The following SLC9B1 variants were observed in gnomAD, a reference collection of about 807,000 sequenced individuals.
SLC9B1 encodes sodium/hydrogen exchanger 9B1.
Under a neutral mutation model 51.7 loss-of-function variants are expected in SLC9B1, and 32 were observed. The observed-to-expected ratio is 0.62, with a 90% CI of 0.47 to 0.83. SLC9B1 has a LOEUF of 0.83. Among genes scored for constraint, SLC9B1 ranks in the 40% least tolerant of loss-of-function variants. The pLI, the probability that SLC9B1 is intolerant of heterozygous loss-of-function variation, is 0.00. For missense variants in SLC9B1, 406 were observed against 613.2 expected, an observed-to-expected ratio of 0.66 and a Z score of 3.57; for synonymous variants, 145 against 212.7, an observed-to-expected ratio of 0.68 and a Z score of 2.77.
rs1737278264 is a variant in SLC9B1 at position 102,946,543 on chromosome 4, C to T, written c.525+104G>A. ...TTTTTCTTTATCTTAGGTTTGTTTACAGACTCTATTTGGAACAGGAAAATA... is the reference window on the plus strand; with the variant it reads ...TTTTTCTTTATCTTAGGTTTGTTTATAGACTCTATTTGGAACAGGAAAATA... On this transcript the variant is annotated intron_variant, in intron 5 of 11. Transcript: ENST00000296422. The T allele has an allele frequency of 4.7e-6, 6 of 1,273,312 alleles. No homozygotes were observed. The South Asian group carries it at 5.5e-5, about 12-fold the overall frequency. The allele number at this position is 1,273,312 out of a possible 1,614,324, so 78.9% of individuals were successfully genotyped here.
chr4:102,948,229 G>A (rs1737363827), intron 4 of SLC9B1, among the ~76,000 whole-genome samples: 1 of 151,394 alleles, frequency 6.6e-6, no homozygotes, highest in African/African-American at 2.4e-5. Flanking sequence ...GGTCAAAGGT[G>A]ACTGAAACTT....
chr4:102,994,864 C>T (rs748843266), intron 1 of SLC9B1, among the ~76,000 whole-genome samples: 30 of 152,146 alleles, frequency 2.0e-4, no homozygotes, highest in Non-Finnish European at 3.8e-4. Context: ...ATGGGGAAAC[C>T]ACCCCCATGA....
In SLC9B1 at chr4:102,901,009, T is replaced by C. The variant is rs1734758135; in HGVS notation, c.*108A>G. ...CCCTGTACTGAAATCACATGTTTACTAAATCCTGGATTCTCTGTACAGTCC... is the reference window on the plus strand; with the variant it reads ...CCCTGTACTGAAATCACATGTTTACCAAATCCTGGATTCTCTGTACAGTCC... On this transcript the variant is annotated 3_prime_UTR_variant, in exon 12 of 12. Coordinates refer to ENST00000296422, the MANE Select transcript of SLC9B1 (RefSeq NM_139173.4). 3.6e-5 allele frequency: 56 copies of C among 1,535,826 alleles called. No homozygotes were observed. In the South Asian group the frequency reaches 6.4e-4, roughly 17 times the overall value.
intron 6 of SLC9B1, among the ~76,000 whole-genome samples, chr4:102,937,062 T>C (rs1736757040): frequency 6.6e-6 from 1 of 152,112 alleles, no homozygotes; most frequent in Non-Finnish European, 1.5e-5. Context: ...AACTGTAAGA[T>C]ACTCTACAAT....
rs569004930 is a variant in SLC9B1, at chr4:102,905,233, A to ATTTATTTATTTATTTAT, written c.1332+280_1332+281insATAAATAAATAAATAAA. 3.3e-5 allele frequency among the ~76,000 whole-genome samples: 5 copies of ATTTATTTATTTATTTAT among 149,468 alleles called. No homozygotes were observed. In the South Asian group the frequency reaches 6.3e-4, roughly 19 times the overall value. ...TGTTTATTTATTTATTTATTTATTT[A>ATTTATTTATTTATTTAT]TTTTTTTGAGATGGAGTCACTCTGT... is the stretch of plus-strand genomic sequence containing the variant. On this transcript the variant is annotated intron_variant, in intron 11 of 11. Transcript: ENST00000296422.
At chr4:102,974,065 C>T (rs1219366230) in intron 3 of SLC9B1, among the ~76,000 whole-genome samples, 6 of 151,262 alleles carry the variant, frequency 4.0e-5, no homozygotes, top group Non-Finnish European at 8.8e-5. Context: ...GTGAAACCCC[C>T]ATCTCTACTG....
chr4:102,993,258 A>C (rs1375417610), intron 1 of SLC9B1, among the ~76,000 whole-genome samples: 1 of 152,214 alleles, frequency 6.6e-6, no homozygotes, highest in East Asian at 1.9e-4. Context: ...ATCGAAAGGA[A>C]GTTGGTTACT....
At chr4:102,939,970 T>C (rs746403388) in intron 6 of SLC9B1, among the ~76,000 whole-genome samples, 3 of 152,180 alleles carry the variant, frequency 2.0e-5, no homozygotes, top group African/African-American at 7.2e-5. Context: ...CTCTCACTAC[T>C]CCTATTCAAC....
chr4:102,895,016 C>T (rs1350067672), intron 11 of SLC9B1, among the ~76,000 whole-genome samples: 2 of 151,966 alleles, frequency 1.3e-5, no homozygotes, highest in Non-Finnish European at 2.9e-5. Context: ...ATCACAAAAG[C>T]ATTTTAAAAT....
chr4:102,890,854 G>GT (rs1734211399), intron 11 of SLC9B1: 1 of 71,216 alleles, frequency 1.4e-5, no homozygotes, highest in Non-Finnish European at 2.7e-5. Flanking sequence ...AAAAAAAAAA[G>GT]TCTTTTTTTT....
chr4:102,959,943 A>G (rs1347367967), intron 3 of SLC9B1, among the ~76,000 whole-genome samples: 1 of 152,196 alleles, frequency 6.6e-6, no homozygotes, highest in Non-Finnish European at 1.5e-5. Context: ...ACATGACACA[A>G]GTTTACCTAT....
intron 7 of SLC9B1, among the ~76,000 whole-genome samples, chr4:102,925,423 G>A (rs1216944612): frequency 6.6e-6 from 1 of 151,898 alleles, no homozygotes; most frequent in Non-Finnish European, 1.5e-5. Context: ...GGGAGGGAGG[G>A]GATAGCATTA....
intron 3 of SLC9B1, among the ~76,000 whole-genome samples, chr4:102,974,424 T>C (rs1184191881): frequency 5.3e-5 from 8 of 151,710 alleles, no homozygotes; most frequent in African/African-American, 9.7e-5. Context: ...TCTGGTAAGA[T>C]TGATTAATTA....
chr4:102,968,615 C>T (rs1455132578), intron 3 of SLC9B1, among the ~76,000 whole-genome samples: 5 of 152,312 alleles, frequency 3.3e-5, no homozygotes, highest in South Asian at 2.1e-4. Flanking sequence ...GCACAACTGA[C>T]GTAGAAGACA....
At chr4:102,923,902 A>T (rs969311298) in intron 7 of SLC9B1, among the ~76,000 whole-genome samples, 1 of 152,216 alleles carries the variant, frequency 6.6e-6, no homozygotes, top group African/African-American at 2.4e-5. Flanking sequence ...CAACGAAATA[A>T]AAGAGGACAC....
intron 3 of SLC9B1, among the ~76,000 whole-genome samples, chr4:102,966,844 T>G (rs1424615152): frequency 6.6e-6 from 1 of 152,220 alleles, no homozygotes; most frequent in East Asian, 1.9e-4. Flanking sequence ...CTATTAATTT[T>G]CAAATTTTTA....
At chr4:102,954,556 T>C (rs1193903837) in intron 3 of SLC9B1, among the ~76,000 whole-genome samples, 1 of 151,952 alleles carries the variant, frequency 6.6e-6, no homozygotes, top group Non-Finnish European at 1.5e-5. Context: ...CAATAGAAGA[T>C]GGAAGATAAA....
At chr4:102,987,257 G>A (rs1739674157) in intron 3 of SLC9B1, among the ~76,000 whole-genome samples, 1 of 152,042 alleles carries the variant, frequency 6.6e-6, no homozygotes, top group Admixed American at 6.6e-5. Flanking sequence ...GGCCAGAGTT[G>A]GATATTTTCC....
chr4:102,994,591 G>T (rs1387012120), intron 1 of SLC9B1, among the ~76,000 whole-genome samples: 1 of 152,060 alleles, frequency 6.6e-6, no homozygotes, highest in African/African-American at 2.4e-5. Flanking sequence ...CCACTCTGTG[G>T]TGCCAGTTTA....
Sources: allele counts gnomAD v4.1 joint callset (sites outside exome capture counted in the v4.1 genomes callset), GRCh38; gene constraint gnomAD v4.1.1; transcripts MANE v1.5; gene names NCBI Gene and HGNC (gene_info 2026-07-23, HGNC 2026-07-21).